Variants in CDHR1 observed in about 807,000 individuals in gnomAD.
CDHR1 encodes the protein cadherin-related family member 1.
CDHR1 carries 61 observed loss-of-function variants against 72.1 expected under a neutral mutation model. The ratio of observed to expected loss-of-function variants is 0.85; its 90% CI spans 0.69 to 1.05. The LOEUF (loss-of-function observed/expected upper bound fraction) is 1.05, where lower values mean the gene tolerates loss of function less well. CDHR1 is among the 50% of genes least tolerant of loss of function. The pLI is 0.00. For missense variants in CDHR1, 1,186 were observed against 1,115.7 expected (o/e 1.06, Z -0.90); for synonymous variants, 470 against 448.1 (o/e 1.05, Z -0.62).
Position 84,205,928 on chromosome 10 carries a change from G to T in CDHR1, c.963+1G>T. On this transcript the variant is annotated splice_donor_variant, in intron 10 of 16. Coordinates refer to ENST00000623527, the MANE Select transcript of CDHR1 (RefSeq NM_033100.4). LOFTEE classifies it high-confidence loss of function. ...AGAGGTGTATGAGCTGCATGTACAG[G>T]TACCCTCCCTCTAGCTTTGTCTTCC... 1 of 1,611,326 alleles carries T rather than the reference G, an allele frequency of 6.2e-7. No individual in the cohort carries two copies. Among genetic ancestry groups the T allele is most frequent in the Non-Finnish European group, 8.5e-7 (1 of 1,177,520 alleles).
chr10:84,198,921 AGAGAG>A, intron 4 of CDHR1, 106 bp from the exon 5 acceptor site: 2 of 806,180 alleles, frequency 2.5e-6, no homozygotes, highest in East Asian at 2.7e-5. Flanking sequence ...AGAGAGAGAG[AGAGAG>A]GAGGGATGGG....
chr10:84,213,440 G>A (rs1425455189), intron 16 of CDHR1, 92 bp downstream of exon 16: 1 of 1,545,434 alleles, frequency 6.5e-7, no homozygotes, highest in Non-Finnish European at 8.9e-7. Context: ...CCATCTCCAG[G>A]CTTCCTCCAA....
rs774059713 is a variant in CDHR1 at position 84,214,336 on chromosome 10, C to A, written c.2295C>A (p.Thr765=). 6.8e-6 allele frequency: 11 copies of A among 1,614,082 alleles called. No homozygotes were observed. The highest frequency in any genetic ancestry group is 4.0e-5 in the African/African-American group (3 of 74,946). Residue 765 remains threonine (T), a synonymous_variant, in exon 17 of 17, where the codon ACC becomes ACA. Transcript: ENST00000623527. The part of the protein sequence containing the change: ...WLKSKSTKAA[T]KFMLKEKPPN... ...AGTCCAAGAGCACCAAAGCCGCTAC[C>A]AAGTTCATGCTCAAAGAGAAACCTC...
chr10:84,216,881 CA>C lies in CDHR1; in HGVS notation c.*2261del. 6.1e-6 allele frequency: 6 copies of C among 985,488 alleles called. No individual in the cohort carries two copies. Among genetic ancestry groups the C allele is most frequent in the Non-Finnish European group, 6.0e-6 (5 of 829,954 alleles). The allele number at this position is 985,488 out of a possible 1,614,324, so 61.0% of individuals were successfully genotyped here. A position where few individuals can be genotyped will look rare whatever the true frequency, so the allele number is the denominator to read the frequency against. On this transcript the variant is annotated 3_prime_UTR_variant, in exon 17 of 17. Coordinates refer to ENST00000623527, the MANE Select transcript of CDHR1 (RefSeq NM_033100.4). ...CAGGAATTGGGAGGCCTAGGGTGGG[CA>C]TGAAAGCTTGGGAAGCACTGTCGTC...
chr10:84,195,686 C>G (rs1842017882), intron 2 of CDHR1, 97 bp downstream of exon 2: 4 of 1,010,828 alleles, frequency 4.0e-6, no homozygotes, highest in Non-Finnish European at 6.1e-6. Context: ...AGTTGCTGCG[C>G]GCGCCCGGGG....
chr10:84,207,879 T>C (rs1842255224), intron 10 of CDHR1, among the ~76,000 whole-genome samples: 1 of 152,196 alleles, frequency 6.6e-6, no homozygotes, highest in African/African-American at 2.4e-5. Flanking sequence ...ACTAAGAGGT[T>C]CAGCTCCTTG....
Position 84,208,811 on chromosome 10 carries a change from C to A in CDHR1, c.1250C>A (p.Ala417Asp). 6.2e-7 allele frequency: 1 copy of A among 1,614,202 alleles called. No individual in the cohort carries two copies. Among genetic ancestry groups the A allele is most frequent in the Non-Finnish European group, 8.5e-7 (1 of 1,180,034 alleles). ...GTTCCACAGACAGTCCTGAATGAAG[C>A]CCAAGTCACAATCATTGTGGAGAAC... ...RVVPQTVLNE[A>D]QVTIIVENSA... The change falls in exon 12 of 17, where the codon GCC becomes GAC. Residue 417 changes from alanine (A) to aspartate (D), a missense_variant. Transcript: ENST00000623527.
chr10:84,215,084 G>GCA lies in CDHR1; in HGVS notation c.*463_*464insCA. On this transcript the variant is annotated 3_prime_UTR_variant, in exon 17 of 17. Transcript: ENST00000623527. Reference sequence around the variant, plus strand: ...GCAGCTGAGAGCAGGAGCAGGAAAAGGAGGCTCAGCACTGTCTCAGGCTGG... The same window carrying GCA: ...GCAGCTGAGAGCAGGAGCAGGAAAAGCAGAGGCTCAGCACTGTCTCAGGCTGG... The GCA allele has an allele frequency of 9.4e-7, 1 of 1,059,510 alleles. No homozygotes were observed. The highest frequency in any genetic ancestry group is 7.7e-5 in the East Asian group (1 of 12,948). The allele number at this position is 1,059,510 out of a possible 1,614,324, so 65.6% of individuals were successfully genotyped here.
At chr10:84,209,986 G>A (rs542453054) in intron 12 of CDHR1, among the ~76,000 whole-genome samples, 1 of 152,180 alleles carries the variant, frequency 6.6e-6, no homozygotes, top group Non-Finnish European at 1.5e-5. Context: ...TTGGGAGGCC[G>A]AGGGGGACAG....
Position 84,194,760 on chromosome 10 carries a change from C to T in CDHR1, c.-1C>T, listed in dbSNP as rs114273269. 1.2e-3 allele frequency: 1,787 copies of T among 1,519,356 alleles called. 23 individuals carry two copies. In the African/African-American group the frequency reaches 0.023, roughly 20 times the overall value. The allele number at this position is 1,519,356 out of a possible 1,614,324, so 94.1% of individuals were successfully genotyped here. A position where few individuals can be genotyped will look rare whatever the true frequency, so the allele number is the denominator to read the frequency against. On this transcript the variant is annotated 5_prime_UTR_variant, in exon 1 of 17. Transcript: ENST00000623527. ...AGGCGACACTCCGCGCCGGCGGAGACATGAGGCGCTGCCGGTGGGCCGCCC... is the reference window on the plus strand; with the variant it reads ...AGGCGACACTCCGCGCCGGCGGAGATATGAGGCGCTGCCGGTGGGCCGCCC...
chr10:84,195,692 C>G (rs1011367116), intron 2 of CDHR1, 103 bp downstream of exon 2: 1 of 933,892 alleles, frequency 1.1e-6, no homozygotes, highest in Non-Finnish European at 1.7e-6. Context: ...TGCGCGCGCC[C>G]GGGGGCTCCT....
chr10:84,218,503 A>C lies in CDHR1; in HGVS notation c.*3882A>C, dbSNP rs1375196528. On this transcript the variant is annotated 3_prime_UTR_variant, in exon 17 of 17. Transcript: ENST00000623527. ...TAGGTGTTAGGTGTATGTCTCTAAC[A>C]AGATAGAAGGAAAGAAGAAAAGAAA... 7.1e-6 allele frequency: 7 copies of C among 985,294 alleles called. No individual in the cohort carries two copies. The allele number at this position is 985,294 out of a possible 1,614,324, so 61.0% of individuals were successfully genotyped here.
chr10:84,195,547 G>A lies in CDHR1; in HGVS notation c.109G>A (p.Gly37Arg). 1 of 1,614,162 alleles carries A rather than the reference G, an allele frequency of 6.2e-7. No individual in the cohort carries two copies. The highest frequency in any genetic ancestry group is 1.1e-5 in the South Asian group (1 of 91,080). Residue 37 changes from glycine (G) to arginine (R), a missense_variant, in exon 2 of 17, where the codon GGA (glycine) becomes AGA (arginine). Physicochemically the swap from Gly to Arg is moderately radical, Grantham distance 125. Coordinates refer to ENST00000623527, the MANE Select transcript of CDHR1 (RefSeq NM_033100.4). The part of the protein sequence containing the change: ...FFDNGVGSTN[G>R]NMALFSLPED... ...CGACAACGGGGTCGGCAGCACCAAC[G>A]GAAACATGGCTCTGTTCAGCCTCCC...
At chr10:84,194,862 T>C (rs990804515) in intron 1 of CDHR1, 47 bp downstream of exon 1, 1 of 1,516,726 alleles carries the variant, frequency 6.6e-7, no homozygotes. Flanking sequence ...GCGAGGGAGA[T>C]GGGCGCTGGC....
intron 15 of CDHR1, chr10:84,212,767 G>C: frequency 1.9e-6 from 1 of 527,564 alleles, no homozygotes; most frequent in Non-Finnish European, 3.4e-6. Flanking sequence ...TTTGAATCCT[G>C]ACTCCCTTTC....
rs1381365896 is a variant in CDHR1, at chr10:84,216,892, G to C, written c.*2271G>C. ...AGGCCTAGGGTGGGCATGAAAGCTT[G>C]GGAAGCACTGTCGTCTCTCAGACAG... On this transcript the variant is annotated 3_prime_UTR_variant, in exon 17 of 17. Transcript: ENST00000623527. The C allele has an allele frequency of 2.0e-6, 2 of 985,370 alleles. No individual in the cohort carries two copies. The highest frequency in any genetic ancestry group is 3.5e-5 in the African/African-American group (2 of 57,254). The allele number at this position is 985,370 out of a possible 1,614,324, so 61.0% of individuals were successfully genotyped here.
rs1354296428 is a variant in CDHR1, at chr10:84,217,123, T to C, written c.*2502T>C. On this transcript the variant is annotated 3_prime_UTR_variant, in exon 17 of 17. Coordinates refer to ENST00000623527, the MANE Select transcript of CDHR1 (RefSeq NM_033100.4). ...GCCAAACTTAAGGCACCGGCAAGTG[T>C]TGTCAGCACTGGAGGAGACCCCGCC... is the stretch of plus-strand genomic sequence containing the variant. The C allele has an allele frequency of 1.0e-6, 1 of 985,394 alleles. No homozygotes were observed. Among genetic ancestry groups the C allele is most frequent in the Admixed American group, 6.1e-5 (1 of 16,272 alleles). 61.0% of individuals were successfully genotyped at this position (985,394 alleles called of 1,614,324 possible).
Position 84,199,033 on chromosome 10 carries a change from T to C in CDHR1, c.350T>C (p.Val117Ala). 1 of 1,551,624 alleles carries C rather than the reference T, an allele frequency of 6.4e-7. No homozygotes were observed. The highest frequency in any genetic ancestry group is 8.7e-7 in the Non-Finnish European group (1 of 1,146,970). The change falls in exon 5 of 17, where the codon GTG becomes GCG. Residue 117 changes from valine (V) to alanine (A), a missense_variant and splice_region_variant. Physicochemically the swap from Val to Ala is moderately conservative, Grantham distance 64. Transcript: ENST00000623527. Reference protein sequence around the residue: ...IISISDGLNLVAEKVVILVTD... With the variant: ...IISISDGLNLAAEKVVILVTD... ...CTTGACCCCTCTGCCCCTTCTCAGG[T>C]GGCCGAAAAAGTCGTGATCCTGGTG...
chr10:84,196,016 G>C (rs1425900428), intron 2 of CDHR1, among the ~76,000 whole-genome samples: 1 of 152,316 alleles, frequency 6.6e-6, no homozygotes, highest in Non-Finnish European at 1.5e-5. Context: ...GGAACCCGGG[G>C]AAAAGGGAGA....
Sources: gnomAD v4.1 joint callset for allele counts (sites outside exome capture counted in the v4.1 genomes callset) on GRCh38, gnomAD v4.1.1 for gene constraint, MANE v1.5 for transcripts, NCBI Gene and HGNC (gene_info 2026-07-23, HGNC 2026-07-21) for gene names.